The following ZNF106 variants were observed in gnomAD, a reference collection of about 807,000 sequenced individuals.
ZNF106 encodes SH3-domain binding protein 3.
A neutral mutation model predicts 195.1 loss-of-function variants in ZNF106; 67 were observed. The ratio of observed to expected loss-of-function variants is 0.34; its 90% confidence interval spans 0.28 to 0.42. The LOEUF is 0.42. ZNF106 is among the 10% of genes least tolerant of loss of function. The pLI is 1.00. For synonymous variants in ZNF106, 784 were observed against 818.6 expected (o/e 0.96, Z 0.72); for missense variants, 2,118 against 2,304.5 (o/e 0.92, Z 1.66).
chr15:42,489,361 G>C (rs1398979029), intron 1 of ZNF106, among the ~76,000 whole-genome samples: 1 of 151,878 alleles, frequency 6.6e-6, no homozygotes, highest in African/African-American at 2.4e-5. Flanking sequence ...ATTTCTAGTA[G>C]AGACGGTGTT....
intron 14 of ZNF106, 100 bp from the exon 15 acceptor site, chr15:42,428,234 G>A (rs557178977): frequency 3.7e-4 from 327 of 875,984 alleles, no homozygotes; most frequent in Middle Eastern, 2.2e-3. Flanking sequence ...ACTCTTATGC[G>A]GAAGAAAGTG....
chr15:42,418,136 T>C (rs1243368550), intron 20 of ZNF106, among the ~76,000 whole-genome samples, 185 bp from the exon 21 acceptor site: 2 of 152,152 alleles, frequency 1.3e-5, no homozygotes, highest in African/African-American at 4.8e-5. Flanking sequence ...ATGAGGAACC[T>C]TGAAAATACT....
chr15:42,466,933 G>C (rs61474811), intron 2 of ZNF106, among the ~76,000 whole-genome samples: 7,188 of 152,070 alleles, frequency 0.047, 557 homozygotes, highest in African/African-American at 0.16. Context: ...AGGAGATCGA[G>C]ACCATCCTGG....
chr15:42,475,867 TAA>T (rs1166063898), intron 1 of ZNF106, among the ~76,000 whole-genome samples: 1 of 152,196 alleles, frequency 6.6e-6, no homozygotes, highest in East Asian at 1.9e-4. Flanking sequence ...ATAAAGTCAG[TAA>T]AAGAGTGTGA....
At chr15:42,426,719 T>C (rs17765354) in intron 15 of ZNF106, among the ~76,000 whole-genome samples, 15,160 of 152,148 alleles carry the variant, frequency 0.1, 909 homozygotes, top group Non-Finnish European at 0.14. Context: ...TGTCTACTTC[T>C]GATAATCTCA....
rs150392837 is a variant in ZNF106 at position 42,428,239 on chromosome 15, A to G, written c.4882-105T>C. The G allele has an allele frequency of 3.7e-5, 30 of 812,666 alleles. No homozygotes were observed. The African/African-American group carries it at 4.1e-4, about 11-fold the overall frequency. The allele number at this position is 812,666 out of a possible 1,614,324, so 50.3% of individuals were successfully genotyped here. ...CTTTAAAATGACTCTTATGCGGAAG[A>G]AAGTGTGACATCCTCTATTTTGTAG... On this transcript the variant is annotated intron_variant, in intron 14 of 21. Transcript: ENST00000564754.
intron 1 of ZNF106, among the ~76,000 whole-genome samples, chr15:42,474,731 A>G (rs1191386286): frequency 6.6e-6 from 1 of 152,180 alleles, no homozygotes; most frequent in Non-Finnish European, 1.5e-5. Flanking sequence ...CACCCTGGGT[A>G]AGAGTAAGGC....
intron 5 of ZNF106, 26 bp from the exon 6 acceptor site, chr15:42,448,731 A>T (rs1311157887): frequency 6.4e-7 from 1 of 1,565,572 alleles, no homozygotes; most frequent in Non-Finnish European, 8.6e-7. Flanking sequence ...AAAAATGAAA[A>T]CATAAATTGG....
Position 42,439,513 on chromosome 15 carries a change from T to C in ZNF106, c.4064A>G (p.Gln1355Arg), listed in dbSNP as rs987877178. The C allele has an allele frequency of 6.2e-7, 1 of 1,614,238 alleles. No homozygotes were observed. The highest frequency in any genetic ancestry group is 8.5e-7 in the Non-Finnish European group (1 of 1,180,048). ...AGTGGATTCTGCCTGTTGTTCAGGC[T>C]GGTCAGCTGGAGAGTGGGGTTCCTT... is the stretch of plus-strand genomic sequence containing the variant. Reference protein sequence around the residue: ...LEKEPHSPADQPEQQAESTLT... With the variant: ...LEKEPHSPADRPEQQAESTLT... The change falls in exon 11 of 22, where the codon CAG (glutamine) becomes CGG (arginine). Residue 1355 changes from glutamine (Q) to arginine (R), a missense_variant. Coordinates refer to ENST00000564754, the MANE Select transcript of ZNF106 (RefSeq NM_001366845.3).
At chr15:42,428,208 A>G in intron 14 of ZNF106, 74 bp from the exon 15 acceptor site, 1 of 1,264,024 alleles carries the variant, frequency 7.9e-7, no homozygotes, top group South Asian at 1.3e-5. Flanking sequence ...TCCTCCAGAA[A>G]GCAGACTTTA....
At chr15:42,458,684 G>T (rs1490700959) in intron 3 of ZNF106, among the ~76,000 whole-genome samples, 3 of 151,392 alleles carry the variant, frequency 2.0e-5, no homozygotes, top group Non-Finnish European at 4.4e-5. Context: ...CTCCAGCCTG[G>T]GTGATAGAGC....
chr15:42,450,791 T>A lies in ZNF106; in HGVS notation c.1481A>T (p.Asn494Ile). 6.2e-7 allele frequency: 1 copy of A among 1,614,194 alleles called. No homozygotes were observed. The highest frequency in any genetic ancestry group is 8.5e-7 in the Non-Finnish European group (1 of 1,180,032). ...ATTTGTTTTGGTGTTTTTTGAGATA[T>A]TCTTTGGATCTTGCTTTTGAGACAA... is the stretch of plus-strand genomic sequence containing the variant. Reference protein sequence around the residue: ...KSLSQKQDPKNISKNTKTNFF... With the variant: ...KSLSQKQDPKIISKNTKTNFF... Residue 494 changes from asparagine to isoleucine, a missense_variant, in exon 5 of 22, where the codon AAT (asparagine) becomes ATT (isoleucine). Physicochemically the swap from Asn to Ile is moderately radical, Grantham distance 149. Transcript: ENST00000564754.
intron 3 of ZNF106, among the ~76,000 whole-genome samples, chr15:42,461,898 T>A (rs950664224): frequency 6.6e-6 from 1 of 152,344 alleles, no homozygotes; most frequent in Non-Finnish European, 1.5e-5. Context: ...GTCCTTACAG[T>A]AAATGCTCCA....
intron 1 of ZNF106, among the ~76,000 whole-genome samples, chr15:42,473,379 C>T (rs2056720824): frequency 6.6e-6 from 1 of 152,188 alleles, no homozygotes; most frequent in South Asian, 2.1e-4. Flanking sequence ...TTTCTCTCTT[C>T]CTCTCCGAAT....
chr15:42,445,718 C>T, intron 7 of ZNF106, among the ~76,000 whole-genome samples: 1 of 152,196 alleles, frequency 6.6e-6, no homozygotes, highest in African/African-American at 2.4e-5. Flanking sequence ...TACATATGCT[C>T]CATCTGGTTG....
At chr15:42,442,857 C>T (rs1413823404) in intron 9 of ZNF106, among the ~76,000 whole-genome samples, 1 of 151,962 alleles carries the variant, frequency 6.6e-6, no homozygotes, top group Non-Finnish European at 1.5e-5. Context: ...AATCTCGGCT[C>T]ACTGCAACCT....
intron 20 of ZNF106, 74 bp downstream of exon 20, chr15:42,420,987 A>G: frequency 7.8e-7 from 1 of 1,279,862 alleles, no homozygotes; most frequent in Non-Finnish European, 1.1e-6. Context: ...ACTGATGATA[A>G]TGAAGATCTA....
At position 42,439,074 on chromosome 15, in the gene ZNF106, G is replaced by C. The variant is rs199851664; in HGVS notation, c.4503C>G (p.Thr1501=). 6.2e-7 allele frequency: 1 copy of C among 1,613,986 alleles called. No homozygotes were observed. The highest frequency in any genetic ancestry group is 2.2e-5 in the East Asian group (1 of 44,900). Reference sequence around the variant, plus strand: ...CTTTATAGCGAGTGCCAATTTCACTGGTAGAGCTAACTTCATCACACCCAG... The same window carrying C: ...CTTTATAGCGAGTGCCAATTTCACTCGTAGAGCTAACTTCATCACACCCAG... ...SRSGCDEVSS[T]SEIGTRYKDG... is the part of the protein sequence containing the mutation. The change falls in exon 11 of 22, where the codon ACC becomes ACG. Residue 1501 remains threonine, a synonymous_variant. Transcript: ENST00000564754.
intron 14 of ZNF106, among the ~76,000 whole-genome samples, chr15:42,432,728 A>T (rs1027826460): frequency 2.5e-4 from 36 of 143,738 alleles, no homozygotes; most frequent in African/African-American, 9.8e-4. Context: ...AAAAAAAAAA[A>T]ATTTAATTGG....
Sources: gnomAD v4.1 joint callset for allele counts (sites outside exome capture counted in the v4.1 genomes callset) on GRCh38, gnomAD v4.1.1 for gene constraint, MANE v1.5 for transcripts, NCBI Gene and HGNC (gene_info 2026-07-23, HGNC 2026-07-21) for gene names.